The following ATP2C1 variants were observed in gnomAD, a reference collection of about 807,000 sequenced individuals.
ATP2C1 encodes ATPase secretory pathway Ca2+ transporting 1.
In ATP2C1, 31 loss-of-function variants were observed where a neutral mutation model predicts 120.5. That is an observed-to-expected ratio of 0.26 (90% CI 0.19 to 0.35). The LOEUF is 0.35. Ranked by LOEUF, ATP2C1 falls within the 10% of genes least tolerant of loss-of-function variation. The pLI is 1.00. For missense variants in ATP2C1, 731 were observed against 1,107.5 expected, an observed-to-expected ratio of 0.66 and a Z score of 4.83; for synonymous variants, 351 against 358.7, an observed-to-expected ratio of 0.98 and a Z score of 0.24.
intron 20 of ATP2C1, among the ~76,000 whole-genome samples, chr3:130,989,402 T>TA (rs1248189877): frequency 3.3e-5 from 5 of 151,354 alleles, no homozygotes; most frequent in Non-Finnish European, 7.4e-5. Flanking sequence ...CTGTCTCTAC[T>TA]AAAAAATACA....
chr3:130,851,748 A>G (rs1232008481), intron 1 of ATP2C1, among the ~76,000 whole-genome samples: 1 of 152,192 alleles, frequency 6.6e-6, no homozygotes, highest in Non-Finnish European at 1.5e-5. Context: ...GTGGTATACA[A>G]ATGTGAAGGA....
chr3:131,010,535 T>A (rs1023085998), intron 26 of ATP2C1, among the ~76,000 whole-genome samples: 1 of 152,130 alleles, frequency 6.6e-6, no homozygotes, highest in African/African-American at 2.4e-5. Context: ...TCTTTCAAAT[T>A]GGGCTTTAAA....
At chr3:130,995,108 G>A (rs1433489735) in intron 22 of ATP2C1, among the ~76,000 whole-genome samples, 2 of 152,108 alleles carry the variant, frequency 1.3e-5, no homozygotes, top group Non-Finnish European at 2.9e-5. Context: ...AATGAGCTTA[G>A]AGGAAGGTGA....
chr3:130,933,415 A>G (rs1169908506), intron 4 of ATP2C1, among the ~76,000 whole-genome samples: 1 of 152,146 alleles, frequency 6.6e-6, no homozygotes, highest in Non-Finnish European at 1.5e-5. Flanking sequence ...TTTTTGGTTT[A>G]CACGGTGCTT....
chr3:130,944,603 A>G (rs749964134), intron 8 of ATP2C1, among the ~76,000 whole-genome samples: 6 of 152,206 alleles, frequency 3.9e-5, no homozygotes, highest in Non-Finnish European at 8.8e-5. Context: ...TCCAAATACT[A>G]TAACATTGAC....
At chr3:130,995,439 T>G (rs1423139410) in intron 22 of ATP2C1, among the ~76,000 whole-genome samples, 1 of 151,822 alleles carries the variant, frequency 6.6e-6, no homozygotes, top group Non-Finnish European at 1.5e-5. Flanking sequence ...AAGATAATCA[T>G]TTTATGTATT....
chr3:130,873,081 T>C (rs534733252), intron 1 of ATP2C1, among the ~76,000 whole-genome samples: 1 of 152,312 alleles, frequency 6.6e-6, no homozygotes, highest in Admixed American at 6.5e-5. Flanking sequence ...AAATTAGCTA[T>C]GGGGCATATA....
At chr3:130,866,143 T>C (rs1401736659) in intron 1 of ATP2C1, among the ~76,000 whole-genome samples, 1 of 152,218 alleles carries the variant, frequency 6.6e-6, no homozygotes, top group Non-Finnish European at 1.5e-5. Context: ...ACAACTTAAC[T>C]AGACCATGGC....
At chr3:130,988,543 G>A (rs915710735) in intron 20 of ATP2C1, among the ~76,000 whole-genome samples, 4 of 152,018 alleles carry the variant, frequency 2.6e-5, no homozygotes, top group Non-Finnish European at 4.4e-5. Flanking sequence ...TGCAACCCAC[G>A]GATACCCATC....
intron 8 of ATP2C1, among the ~76,000 whole-genome samples, chr3:130,944,365 TG>T (rs1332369307): frequency 3.3e-5 from 5 of 152,366 alleles, no homozygotes; most frequent in African/African-American, 1.2e-4. Context: ...CAAAATACCA[TG>T]CCATTTATTT....
chr3:131,012,918 A>T (rs570341247), intron 26 of ATP2C1, among the ~76,000 whole-genome samples: 42 of 152,334 alleles, frequency 2.8e-4, no homozygotes, highest in African/African-American at 9.6e-4. Context: ...ATTCTAGTAA[A>T]GTAAAGAAAA....
chr3:130,881,151 G>A (rs2068767160), intron 1 of ATP2C1, among the ~76,000 whole-genome samples: 1 of 152,208 alleles, frequency 6.6e-6, no homozygotes, highest in Admixed American at 6.5e-5. Context: ...GCATTTAAAT[G>A]GAGGGAGGAG....
intron 1 of ATP2C1, among the ~76,000 whole-genome samples, chr3:130,855,465 G>T (rs1398100852): frequency 2.6e-5 from 4 of 152,122 alleles, no homozygotes; most frequent in African/African-American, 9.7e-5. Context: ...TGAAAATAGG[G>T]TTATTATCCT....
upstream of ATP2C1, among the ~76,000 whole-genome samples, chr3:130,889,542 G>A (rs1475654009): frequency 6.6e-6 from 1 of 151,416 alleles, no homozygotes; most frequent in Admixed American, 6.6e-5. Flanking sequence ...TCAATATCGA[G>A]CATTTCTTAC....
rs1417111200 is a variant in ATP2C1 at position 130,868,549 on chromosome 3, G to C, written c.108+17621G>C. 7.8e-5 allele frequency: 6 copies of C among 76,788 alleles called. No individual in the cohort carries two copies. The East Asian group carries it at 2.2e-3, about 28-fold the overall frequency. The allele number at this position is 76,788 out of a possible 1,614,324, so 4.8% of individuals were successfully genotyped here. On this transcript the variant is annotated intron_variant, in intron 1 of 26. Coordinates refer to the ATP2C1 transcript ENST00000504381. ...CAGCCGCCCCGCCCGGGAGGGAGGT[G>C]GGGGGTCAGCCCCCCGCCTGGCCAG...
At chr3:130,981,070 A>G (rs2061736138) in intron 20 of ATP2C1, among the ~76,000 whole-genome samples, 1 of 152,154 alleles carries the variant, frequency 6.6e-6, no homozygotes, top group Non-Finnish European at 1.5e-5. Context: ...TACATATAGT[A>G]AAATTCGCCC....
chr3:130,895,513 C>T (rs2107918250), intron 2 of ATP2C1, among the ~76,000 whole-genome samples: 1 of 152,034 alleles, frequency 6.6e-6, no homozygotes, highest in South Asian at 2.1e-4. Flanking sequence ...GATTTTTTTT[C>T]CCCCTCCTGA....
chr3:130,892,642 T>C (rs2069221464), upstream of ATP2C1, among the ~76,000 whole-genome samples: 1 of 144,416 alleles, frequency 6.9e-6, no homozygotes, highest in Admixed American at 7.0e-5. Flanking sequence ...CGTCCGTTAA[T>C]TTGGCTCCGT....
downstream of ATP2C1, among the ~76,000 whole-genome samples, chr3:131,004,534 G>A (rs983817089): frequency 1.3e-5 from 2 of 152,212 alleles, no homozygotes; most frequent in African/African-American, 4.8e-5. Context: ...AGAAAAAGTA[G>A]TATCATGCCT....
Sources: gnomAD v4.1 joint callset for allele counts (sites outside exome capture counted in the v4.1 genomes callset) on GRCh38, gnomAD v4.1.1 for gene constraint, MANE v1.5 for transcripts, NCBI Gene and HGNC (gene_info 2026-07-23, HGNC 2026-07-21) for gene names.